The following HACD2 variants were observed in gnomAD, a reference collection of about 807,000 sequenced individuals.
HACD2 encodes 3-hydroxyacyl-CoA dehydratase 2.
In HACD2, 15 loss-of-function variants were observed where a neutral mutation model predicts 31.0. The ratio of observed to expected loss-of-function variants is 0.48; its 90% CI spans 0.32 to 0.75. HACD2 has a LOEUF of 0.75. HACD2 is among the 30% of genes least tolerant of loss of function. The pLI, the probability that HACD2 is intolerant of heterozygous loss-of-function variation, is 0.03. For missense variants in HACD2, 283 were observed against 313.0 expected, an observed-to-expected ratio of 0.90 and a Z score of 0.72; for synonymous variants, 115 against 122.2, an observed-to-expected ratio of 0.94 and a Z score of 0.39.
intron 2 of HACD2, among the ~76,000 whole-genome samples, chr3:123,570,555 T>C (rs893951558): frequency 6.6e-5 from 10 of 152,172 alleles, no homozygotes; most frequent in African/African-American, 2.2e-4. Context: ...AGTAGAGAAA[T>C]TGAAGGAGTA....
chr3:123,536,049 CT>C (rs2056421440), intron 3 of HACD2, among the ~76,000 whole-genome samples: 1 of 152,044 alleles, frequency 6.6e-6, no homozygotes, highest in Non-Finnish European at 1.5e-5. Context: ...TATATACATT[CT>C]TTTTTCAATT....
chr3:123,498,691 C>T (rs1278785487), intron 6 of HACD2, among the ~76,000 whole-genome samples: 2 of 152,180 alleles, frequency 1.3e-5, no homozygotes, highest in Non-Finnish European at 2.9e-5. Flanking sequence ...TGAAACCGGT[C>T]CCTGATGCCA....
chr3:123,570,304 A>C (rs2056840104), intron 2 of HACD2, among the ~76,000 whole-genome samples: 1 of 152,218 alleles, frequency 6.6e-6, no homozygotes, highest in South Asian at 2.1e-4. Context: ...ATTTTTCAAA[A>C]TACGTATTTC....
intron 2 of HACD2, among the ~76,000 whole-genome samples, chr3:123,573,496 A>C (rs933522837): frequency 6.6e-6 from 1 of 152,224 alleles, no homozygotes; most frequent in Non-Finnish European, 1.5e-5. Flanking sequence ...GAGAGGTTTC[A>C]TAGAGAACCT....
At chr3:123,508,937 T>C (rs1409756824) in intron 4 of HACD2, among the ~76,000 whole-genome samples, 6 of 152,186 alleles carry the variant, frequency 3.9e-5, no homozygotes, top group Non-Finnish European at 8.8e-5. Context: ...TCACATGGTA[T>C]CTTTTTTCAT....
At chr3:123,569,090 G>T (rs1229848198) in intron 2 of HACD2, among the ~76,000 whole-genome samples, 3 of 152,142 alleles carry the variant, frequency 2.0e-5, no homozygotes, top group South Asian at 2.1e-4. Context: ...CTCAATTTGT[G>T]GGGGAGGGAT....
intron 3 of HACD2, among the ~76,000 whole-genome samples, chr3:123,554,755 T>G (rs1490787055): frequency 6.6e-6 from 1 of 152,040 alleles, no homozygotes; most frequent in Non-Finnish European, 1.5e-5. Flanking sequence ...AATAAAAGAA[T>G]GCACAAGGGC....
chr3:123,541,785 A>G (rs2056493492), intron 3 of HACD2, among the ~76,000 whole-genome samples: 1 of 152,222 alleles, frequency 6.6e-6, no homozygotes, highest in Non-Finnish European at 1.5e-5. Context: ...GTCTTTATAT[A>G]ACTAGGACAA....
chr3:123,579,841 A>T (rs1232487163), intron 2 of HACD2, among the ~76,000 whole-genome samples: 1 of 152,216 alleles, frequency 6.6e-6, no homozygotes, highest in Non-Finnish European at 1.5e-5. Context: ...AGTTTAAAAA[A>T]TGGTTCACAT....
In HACD2 at chr3:123,534,793, T is replaced by C. The variant is rs114377795; in HGVS notation, c.293-6319A>G. Among the ~76,000 whole-genome samples, 1,127 of 132,690 alleles carry C rather than the reference T, an allele frequency of 8.5e-3. 13 individuals are homozygous for C. Among genetic ancestry groups the C allele is most frequent in the African/African-American group, 0.025 (938 of 37,026 alleles). The allele number at this position is 132,690 out of a possible 152,430, so 87.0% of individuals were successfully genotyped here. A position where few individuals can be genotyped will look rare whatever the true frequency, so the allele number is the denominator to read the frequency against. ...TGATGATCCTGTCCCTATGTAGACGTAGGCTTGTGTGTGTGTGTGTCTTAG... is the reference window on the plus strand; with the variant it reads ...TGATGATCCTGTCCCTATGTAGACGCAGGCTTGTGTGTGTGTGTGTCTTAG... On this transcript the variant is annotated intron_variant, in intron 3 of 6. Coordinates refer to ENST00000383657, the MANE Select transcript of HACD2 (RefSeq NM_198402.5).
chr3:123,500,779 G>T, intron 5 of HACD2, 86 bp from the exon 6 acceptor site: 1 of 744,282 alleles, frequency 1.3e-6, no homozygotes. Flanking sequence ...ATCAGTACTG[G>T]TCTTTTAGAA....
At chr3:123,516,400 A>C (rs1366451519) in intron 4 of HACD2, among the ~76,000 whole-genome samples, 2 of 151,914 alleles carry the variant, frequency 1.3e-5, no homozygotes, top group Non-Finnish European at 2.9e-5. Context: ...ACGCCCGGCT[A>C]ATTTTTTGTA....
intron 2 of HACD2, among the ~76,000 whole-genome samples, chr3:123,579,828 C>G (rs576276205): frequency 1.3e-3 from 199 of 152,250 alleles, no homozygotes; most frequent in Non-Finnish European, 1.3e-3. Flanking sequence ...GTTCAAGCCT[C>G]TAAGTTTAAA....
chr3:123,512,632 G>C (rs982640435), intron 4 of HACD2, among the ~76,000 whole-genome samples: 9 of 152,082 alleles, frequency 5.9e-5, no homozygotes, highest in Admixed American at 2.6e-4. Context: ...GGAGCAAACA[G>C]GCAAACTGAG....
intron 2 of HACD2, among the ~76,000 whole-genome samples, chr3:123,571,162 G>C (rs541811149): frequency 3.9e-5 from 6 of 152,280 alleles, no homozygotes; most frequent in African/African-American, 7.2e-5. Context: ...AATGTGCAGA[G>C]AGAATAAATT....
chr3:123,564,754 A>G (rs1466622661), intron 3 of HACD2, among the ~76,000 whole-genome samples: 1 of 152,200 alleles, frequency 6.6e-6, no homozygotes, highest in African/African-American at 2.4e-5. Flanking sequence ...AAAGATTTTT[A>G]AGACAGAGTG....
intron 1 of HACD2, among the ~76,000 whole-genome samples, chr3:123,582,945 G>A (rs2056982007): frequency 6.6e-6 from 1 of 152,170 alleles, no homozygotes; most frequent in South Asian, 2.1e-4. Flanking sequence ...GCATACAGCT[G>A]TGAATGTTAT....
chr3:123,574,587 T>C (rs1252824760), intron 2 of HACD2, among the ~76,000 whole-genome samples: 1 of 152,192 alleles, frequency 6.6e-6, no homozygotes, highest in East Asian at 1.9e-4. Flanking sequence ...AGCTGCCTAT[T>C]GTCTTCCTTT....
In HACD2 at chr3:123,584,683, C is replaced by A. The variant is rs2057006714; in HGVS notation, c.155+190G>T. On this transcript the variant is annotated intron_variant, in intron 1 of 6. Coordinates refer to ENST00000383657, the MANE Select transcript of HACD2 (RefSeq NM_198402.5). ...GCTCGACCCCCAGCGCAGGAGGGAGCTCGCGGGCAGCCACCGGGGCCGATT... is the reference window on the plus strand; with the variant it reads ...GCTCGACCCCCAGCGCAGGAGGGAGATCGCGGGCAGCCACCGGGGCCGATT... 7.2e-6 allele frequency: 3 copies of A among 419,390 alleles called. No homozygotes were observed. The Admixed American group carries it at 1.4e-4, about 19-fold the overall frequency. 26.0% of individuals were successfully genotyped at this position (419,390 alleles called of 1,614,324 possible).
Sources: allele counts gnomAD v4.1 joint callset (sites outside exome capture counted in the v4.1 genomes callset), GRCh38; gene constraint gnomAD v4.1.1; transcripts MANE v1.5; gene names NCBI Gene and HGNC (gene_info 2026-07-23, HGNC 2026-07-21).